NARS2: variants seen among roughly 807,000 people sequenced by gnomAD.
NARS2 encodes the protein asparaginyl-tRNA synthetase 2, mitochondrial, also known as asparaginyl-tRNA synthetase.
NARS2 carries 60 observed loss-of-function variants against 62.9 expected under a neutral mutation model. The observed-to-expected ratio is 0.95, with a 90% CI of 0.77 to 1.18. The LOEUF (loss-of-function observed/expected upper bound fraction) is 1.18, where lower values mean the gene tolerates loss of function less well. NARS2 is among the 50% of genes most tolerant of loss of function. The pLI is 0.00. For missense variants in NARS2, 619 were observed against 576.4 expected (o/e 1.07, Z -0.76); for synonymous variants, 196 against 200.0 (o/e 0.98, Z 0.17).
chr11:78,461,783 CAAAAA>C (rs56753439), intron 11 of NARS2, among the ~76,000 whole-genome samples: 39 of 93,136 alleles, frequency 4.2e-4, no homozygotes, highest in African/African-American at 7.4e-4. Flanking sequence ...GTACCCACTA[CAAAAA>C]AAAAAAAAAA....
chr11:78,463,186 T>C (rs188573472), intron 11 of NARS2, among the ~76,000 whole-genome samples: 2 of 152,202 alleles, frequency 1.3e-5, no homozygotes, highest in Non-Finnish European at 2.9e-5. Context: ...CACCTCAGCC[T>C]CTTGAGTAGA....
chr11:78,509,690 TCAA>T (rs1860641123), intron 6 of NARS2, among the ~76,000 whole-genome samples: 1 of 151,956 alleles, frequency 6.6e-6, no homozygotes, highest in Non-Finnish European at 1.5e-5. Context: ...TTTTGTGATA[TCAA>T]CAACTGAAAG....
intron 5 of NARS2, among the ~76,000 whole-genome samples, chr11:78,536,058 TGACA>T (rs1352418524): frequency 6.6e-6 from 1 of 152,220 alleles, no homozygotes; most frequent in African/African-American, 2.4e-5. Context: ...TACTACATAC[TGACA>T]TTTTGTTCAA....
At chr11:78,502,106 T>C (rs919223075) in intron 6 of NARS2, among the ~76,000 whole-genome samples, 2 of 152,192 alleles carry the variant, frequency 1.3e-5, no homozygotes, top group Non-Finnish European at 2.9e-5. Flanking sequence ...GTATATGAAA[T>C]ATCCAGAAAA....
intron 11 of NARS2, among the ~76,000 whole-genome samples, chr11:78,445,458 CA>C (rs1341652783): frequency 1.3e-5 from 2 of 151,786 alleles, no homozygotes; most frequent in Admixed American, 6.6e-5. Context: ...CCCTCTCTGC[CA>C]AAAATACAAA....
intron 7 of NARS2, among the ~76,000 whole-genome samples, chr11:78,479,219 T>C (rs562951710): frequency 3.9e-5 from 6 of 152,318 alleles, no homozygotes; most frequent in South Asian, 2.1e-4. Flanking sequence ...TATAAATATA[T>C]ACATTTTTGC....
chr11:78,516,299 A>G (rs1860908808), intron 6 of NARS2, among the ~76,000 whole-genome samples: 1 of 152,242 alleles, frequency 6.6e-6, no homozygotes, highest in Admixed American at 6.5e-5. Context: ...AAAGAGCTAC[A>G]TTAACTGGAT....
chr11:78,565,118 T>A (rs1225237495), intron 4 of NARS2, among the ~76,000 whole-genome samples: 1 of 152,166 alleles, frequency 6.6e-6, no homozygotes, highest in African/African-American at 2.4e-5. Flanking sequence ...GGAGAGAAGG[T>A]CCCTTCACCT....
rs1289133002 is a variant in NARS2, at chr11:78,436,855, T to C, written c.1290-41A>G. ...AGAAAATCATCATCTATATATAGTATAAGACCAGATGTTATGATTAGAATT... is the reference window on the plus strand; with the variant it reads ...AGAAAATCATCATCTATATATAGTACAAGACCAGATGTTATGATTAGAATT... On this transcript the variant is annotated intron_variant, in intron 13 of 13. Coordinates refer to ENST00000281038, the MANE Select transcript of NARS2 (RefSeq NM_024678.6). The C allele has an allele frequency of 9.6e-6, 15 of 1,563,958 alleles. No individual in the cohort carries two copies. In the Middle Eastern group the frequency reaches 5.1e-4, roughly 53 times the overall value.
intron 11 of NARS2, among the ~76,000 whole-genome samples, chr11:78,452,999 T>A (rs889197441): frequency 1.3e-5 from 2 of 152,174 alleles, no homozygotes; most frequent in Admixed American, 1.3e-4. Flanking sequence ...ACTAAATCTA[T>A]CATTAAGGAA....
chr11:78,472,475 A>G (rs1858916863), intron 9 of NARS2, among the ~76,000 whole-genome samples: 1 of 152,218 alleles, frequency 6.6e-6, no homozygotes, highest in Non-Finnish European at 1.5e-5. Flanking sequence ...TAAAAAAGGT[A>G]AGTACTCTAC....
intron 11 of NARS2, among the ~76,000 whole-genome samples, chr11:78,458,078 C>A (rs1349725406): frequency 6.6e-6 from 1 of 151,968 alleles, no homozygotes; most frequent in Non-Finnish European, 1.5e-5. Context: ...ATACGGTTAA[C>A]TACAATTTAT....
At chr11:78,485,679 C>T (rs1314589721) in intron 7 of NARS2, among the ~76,000 whole-genome samples, 1 of 152,046 alleles carries the variant, frequency 6.6e-6, no homozygotes, top group Admixed American at 6.6e-5. Flanking sequence ...TAGGAAAATC[C>T]TTGGTTGTTT....
intron 5 of NARS2, chr11:78,533,258 C>T (rs1246361004): frequency 6.6e-6 from 1 of 152,144 alleles, no homozygotes; most frequent in Non-Finnish European, 1.5e-5. Context: ...CTTTATGGAA[C>T]CTGATTCAAC....
chr11:78,519,008 A>G (rs551161350), intron 6 of NARS2, among the ~76,000 whole-genome samples: 1 of 152,384 alleles, frequency 6.6e-6, no homozygotes, highest in South Asian at 2.1e-4. Context: ...GCAAACATGC[A>G]AGACACGAAT....
rs143589085 is a variant in NARS2 at position 78,525,114 on chromosome 11, G to A, written c.689+3728C>T. On this transcript the variant is annotated intron_variant, in intron 6 of 13. Transcript: ENST00000281038. The stretch of plus-strand genomic sequence containing the variant: ...GGCAAAACTATGGAGATGGTAAAAC[G>A]ATCAATGGTTACCAGTGGTTAGGAA... Among the ~76,000 whole-genome samples the A allele has an allele frequency of 9.5e-4, 144 of 152,202 alleles. 1 individual carries two copies. The highest frequency in any genetic ancestry group is 3.4e-3 in the African/African-American group (140 of 41,552).
intron 6 of NARS2, among the ~76,000 whole-genome samples, chr11:78,501,456 T>C (rs894648525): frequency 2.0e-5 from 3 of 152,216 alleles, no homozygotes. Context: ...CCAGACCATA[T>C]GCTGAGAACC....
Position 78,449,133 on chromosome 11 carries a change from G to GTT in NARS2, c.1165-5377_1165-5376dup, listed in dbSNP as rs201937471. Among the ~76,000 whole-genome samples, 304 of 100,040 alleles carry GTT rather than the reference G, an allele frequency of 3.0e-3. 6 individuals carry two copies. Among genetic ancestry groups the GTT allele is most frequent in the African/African-American group, 7.2e-3 (170 of 23,600 alleles). The allele number at this position is 100,040 out of a possible 152,430, so 65.6% of individuals were successfully genotyped here. ...AAACCTTTTGAGTCACCTAAAAAAT[G>GTT]TTTTTTTTTTTTTTTTTTTTGAGTT... On this transcript the variant is annotated intron_variant, in intron 11 of 13. Transcript: ENST00000281038.
chr11:78,561,709 T>C (rs1433971316), intron 4 of NARS2, among the ~76,000 whole-genome samples: 2 of 152,210 alleles, frequency 1.3e-5, no homozygotes, highest in Non-Finnish European at 2.9e-5. Flanking sequence ...TGAAAGGAAT[T>C]GCTAGCCACA....
Sources: gnomAD v4.1 joint callset for allele counts (sites outside exome capture counted in the v4.1 genomes callset) on GRCh38, gnomAD v4.1.1 for gene constraint, MANE v1.5 for transcripts, NCBI Gene and HGNC (gene_info 2026-07-23, HGNC 2026-07-21) for gene names.